Variants in JUP observed in about 807,000 individuals in gnomAD.
The protein encoded by JUP is junction plakoglobin.
Under a neutral mutation model 71.1 loss-of-function variants are expected in JUP, and 28 were observed. That is an observed-to-expected ratio of 0.39 (90% CI 0.29 to 0.54). The LOEUF is 0.54. Among genes scored for constraint, JUP ranks in the 20% least tolerant of loss-of-function variants. JUP has a pLI of 0.62. For synonymous variants in JUP, 401 were observed against 438.9 expected, an observed-to-expected ratio of 0.91 and a Z score of 1.08; for missense variants, 869 against 1,030.1, an observed-to-expected ratio of 0.84 and a Z score of 2.14.
chr17:41,762,885 C>T, intron 8 of JUP, 98 bp downstream of exon 8: 1 of 941,536 alleles, frequency 1.1e-6, no homozygotes, highest in Non-Finnish European at 1.7e-6. Context: ...ATTCGAGCCA[C>T]TGTATTTAGG....
chr17:41,770,264 G>T (rs1049820688), intron 2 of JUP, among the ~76,000 whole-genome samples: 3 of 152,134 alleles, frequency 2.0e-5, no homozygotes, highest in Non-Finnish European at 4.4e-5. Context: ...GGAAAGTCAG[G>T]GCTGTGGGTT....
chr17:41,780,952 G>A (rs1425644188), intron 1 of JUP, among the ~76,000 whole-genome samples: 27 of 152,020 alleles, frequency 1.8e-4, no homozygotes, highest in Non-Finnish European at 2.8e-4. Flanking sequence ...AGGCCGAGGC[G>A]GGTGGATCAT....
chr17:41,770,306 C>T (rs897318767), intron 2 of JUP, among the ~76,000 whole-genome samples: 2 of 152,128 alleles, frequency 1.3e-5, no homozygotes, highest in Admixed American at 6.5e-5. Context: ...TCAGCTGAGA[C>T]GTCAGGTTCC....
Position 41,755,221 on chromosome 17 carries a change from A to G in JUP, c.*523T>C. ...ACTTGAGTCTGAAGCTTTAGTGGCC[A>G]GGGCCACAGGGGCGGGGAGGGGGTG... On this transcript the variant is annotated 3_prime_UTR_variant, in exon 14 of 14. Coordinates refer to ENST00000393931, the MANE Select transcript of JUP (RefSeq NM_002230.4). The G allele has an allele frequency of 2.5e-6, 1 of 398,800 alleles. No individual in the cohort carries two copies. The highest frequency in any genetic ancestry group is 4.4e-6 in the Non-Finnish European group (1 of 226,356). 24.7% of individuals were successfully genotyped at this position (398,800 alleles called of 1,614,324 possible).
chr17:41,772,085 C>A lies in JUP; in HGVS notation c.-8-223G>T, dbSNP rs1306071720. The A allele has an allele frequency of 9.5e-6, 6 of 633,028 alleles. No homozygotes were observed. The Admixed American group carries it at 1.3e-4, about 14-fold the overall frequency. 39.2% of individuals were successfully genotyped at this position (633,028 alleles called of 1,614,324 possible). A position where few individuals can be genotyped will look rare whatever the true frequency, so the allele number is the denominator to read the frequency against. On this transcript the variant is annotated intron_variant, in intron 1 of 13. Coordinates refer to ENST00000393931, the MANE Select transcript of JUP (RefSeq NM_002230.4). ...CTGGGAGCAGTGAGCCCCAGGGGTGCGGCTGTGTGTATGTCCTGGGCTTGC... is the reference window on the plus strand; with the variant it reads ...CTGGGAGCAGTGAGCCCCAGGGGTGAGGCTGTGTGTATGTCCTGGGCTTGC...
At chr17:41,758,688 T>G in intron 9 of JUP, 27 bp downstream of exon 9, 1 of 1,597,340 alleles carries the variant, frequency 6.3e-7, no homozygotes, top group Non-Finnish European at 8.5e-7. Flanking sequence ...CCAGGAAGGC[T>G]GTCAGAGGCA....
rs1167232678 is a variant in JUP, at chr17:41,755,681, A to G, written c.*63T>C. On this transcript the variant is annotated 3_prime_UTR_variant, in exon 14 of 14. Transcript: ENST00000393931. ...GCGGGGAGATGGGAGGGCCTCCAACAGAAGGAGGTTCTAGAGAGGAGGAAA... is the reference window on the plus strand; with the variant it reads ...GCGGGGAGATGGGAGGGCCTCCAACGGAAGGAGGTTCTAGAGAGGAGGAAA... 6 of 1,440,682 alleles carry G rather than the reference A, an allele frequency of 4.2e-6. No individual in the cohort carries two copies. The South Asian group carries it at 4.4e-5, about 11-fold the overall frequency. The allele number at this position is 1,440,682 out of a possible 1,614,324, so 89.2% of individuals were successfully genotyped here.
rs1412061744 is a variant in JUP, at chr17:41,763,143, C to G, written c.1337G>C (p.Gly446Ala). The G allele has an allele frequency of 1.2e-6, 2 of 1,614,234 alleles. No homozygotes were observed. Among genetic ancestry groups the G allele is most frequent in the Non-Finnish European group, 1.7e-6 (2 of 1,180,054 alleles). Residue 446 changes from glycine (G) to alanine (A), a missense_variant, in exon 8 of 14, where the codon GGT becomes GCT. Transcript: ENST00000393931. Reference protein sequence around the residue: ...EALIHAILRAGDKDDITEPAV... With the variant: ...EALIHAILRAADKDDITEPAV... ...AGGCTCCGTGATGTCGTCCTTGTCA[C>G]CAGCACGCAGGATGGCATGGATGAG... is the stretch of plus-strand genomic sequence containing the variant.
chr17:41,772,490 C>G (rs1916823758), intron 1 of JUP, among the ~76,000 whole-genome samples: 1 of 152,160 alleles, frequency 6.6e-6, no homozygotes, highest in African/African-American at 2.4e-5. Context: ...CCCAGCCCTC[C>G]CAGTCCCTAG....
intron 1 of JUP, among the ~76,000 whole-genome samples, chr17:41,777,991 G>GGAAACAAC (rs2046965643): frequency 6.6e-6 from 1 of 152,134 alleles, no homozygotes; most frequent in South Asian, 2.1e-4. Context: ...CCCCACACCA[G>GGAAACAAC]GAAACAACAA....
rs367984959 is a variant in JUP at position 41,756,141 on chromosome 17, C to T, written c.2086+34G>A. ...ACACACCCACACAGCCGCCCAGGAT[C>T]TCCAGGGTCCTGAAGAGCCCGGCAC... On this transcript the variant is annotated intron_variant, in intron 13 of 13. Transcript: ENST00000393931. 5.0e-6 allele frequency: 8 copies of T among 1,608,232 alleles called. No homozygotes were observed. The African/African-American group carries it at 6.7e-5, about 13-fold the overall frequency.
chr17:41,764,758 G>C lies in JUP; in HGVS notation c.1113C>G (p.Asn371Lys). 3 of 1,613,578 alleles carry C rather than the reference G, an allele frequency of 1.9e-6. No individual in the cohort carries two copies. Among genetic ancestry groups the C allele is most frequent in the Non-Finnish European group, 2.5e-6 (3 of 1,179,998 alleles). The change falls in exon 7 of 14, where the codon AAC (asparagine) becomes AAG (lysine). Residue 371 changes from asparagine (N) to lysine (K), a missense_variant. Coordinates refer to ENST00000393931, the MANE Select transcript of JUP (RefSeq NM_002230.4). ...AGAGGTTGCGCAGGGTCCACAGGCA[G>C]TTCTGCACCAGGCGGGGGCTGTTGC... ...LTSNSPRLVQNCLWTLRNLSD... is the reference protein window; with the variant it reads ...LTSNSPRLVQKCLWTLRNLSD...
chr17:41,778,428 G>C (rs1474423757), intron 1 of JUP, among the ~76,000 whole-genome samples: 1 of 152,030 alleles, frequency 6.6e-6, no homozygotes, highest in African/African-American at 2.4e-5. Context: ...TTAGCCGGGC[G>C]TGGTGGCATG....
At chr17:41,785,778 C>G (rs2047427671) in intron 1 of JUP, 1 of 152,360 alleles carries the variant, frequency 6.6e-6, no homozygotes, top group Non-Finnish European at 1.5e-5. Context: ...GAAACTGGGC[C>G]AGGTGACCCT....
chr17:41,782,448 CT>C (rs1291979111), intron 1 of JUP, among the ~76,000 whole-genome samples: 6 of 152,204 alleles, frequency 3.9e-5, no homozygotes, highest in Non-Finnish European at 7.3e-5. Flanking sequence ...GGCAGCACCC[CT>C]TTATCTTGGC....
At chr17:41,758,611 G>A in intron 9 of JUP, 93 bp from the exon 10 acceptor site, 1 of 1,573,548 alleles carries the variant, frequency 6.4e-7, no homozygotes. Context: ...ACAGGTTCTT[G>A]GAATTGGCAT....
intron 12 of JUP, among the ~76,000 whole-genome samples, chr17:41,756,909 A>AAAAT (rs1913906737): frequency 1.3e-5 from 2 of 152,138 alleles, no homozygotes; most frequent in Non-Finnish European, 2.9e-5. Flanking sequence ...AAAAAATATA[A>AAAAT]AAATAAATAA....
At chr17:41,773,666 C>G (rs1193396122) in intron 1 of JUP, among the ~76,000 whole-genome samples, 2 of 152,060 alleles carry the variant, frequency 1.3e-5, no homozygotes, top group African/African-American at 4.8e-5. Flanking sequence ...TGGCCACTGG[C>G]AGGAAACAGG....
intron 1 of JUP, among the ~76,000 whole-genome samples, chr17:41,779,327 T>G (rs1555609681): frequency 7.1e-6 from 1 of 141,496 alleles, no homozygotes; most frequent in Non-Finnish European, 1.5e-5. Context: ...TTTTCTAAAC[T>G]TCCCAATTTT....
Sources: gnomAD v4.1 joint callset for allele counts (sites outside exome capture counted in the v4.1 genomes callset) on GRCh38, gnomAD v4.1.1 for gene constraint, MANE v1.5 for transcripts, NCBI Gene and HGNC (gene_info 2026-07-23, HGNC 2026-07-21) for gene names.